MYO5A: variants seen among roughly 807,000 people sequenced by gnomAD.
The protein encoded by MYO5A is unconventional myosin-Va.
A neutral mutation model predicts 249.7 loss-of-function variants in MYO5A; 98 were observed. The ratio of observed to expected loss-of-function variants is 0.39; its 90% CI spans 0.33 to 0.46. The LOEUF is 0.46. Among genes scored for constraint, MYO5A ranks in the 20% least tolerant of loss-of-function variants. The pLI is 0.98. For missense variants in MYO5A, 1,696 were observed against 2,308.8 expected, an observed-to-expected ratio of 0.73 and a Z score of 5.44; for synonymous variants, 778 against 810.6, an observed-to-expected ratio of 0.96 and a Z score of 0.68.
At chr15:52,332,054 T>G (rs748055492) in intron 34 of MYO5A, among the ~76,000 whole-genome samples, 1 of 152,210 alleles carries the variant, frequency 6.6e-6, no homozygotes, top group Non-Finnish European at 1.5e-5. Context: ...CAGCACACAG[T>G]GGCCTCTACA....
chr15:52,423,747 C>G (rs528710758), intron 4 of MYO5A, among the ~76,000 whole-genome samples: 1 of 151,840 alleles, frequency 6.6e-6, no homozygotes, highest in African/African-American at 2.4e-5. Context: ...AAAACCAAGC[C>G]AAAGGAAAAA....
intron 1 of MYO5A, among the ~76,000 whole-genome samples, chr15:52,447,944 G>A (rs1444510548): frequency 6.6e-6 from 1 of 152,240 alleles, no homozygotes; most frequent in Non-Finnish European, 1.5e-5. Context: ...ACAGAAGCCT[G>A]CTGCAGAGGC....
intron 32 of MYO5A, among the ~76,000 whole-genome samples, chr15:52,338,734 A>G (rs2039240918): frequency 6.6e-6 from 1 of 152,198 alleles, no homozygotes; most frequent in Admixed American, 6.5e-5. Context: ...TGTATTAGCT[A>G]TGAAAAATTG....
chr15:52,425,182 A>G (rs1210142058), intron 4 of MYO5A, among the ~76,000 whole-genome samples: 1 of 152,164 alleles, frequency 6.6e-6, no homozygotes, highest in Non-Finnish European at 1.5e-5. Flanking sequence ...GTTCTAGTCT[A>G]TTACTCATTC....
chr15:52,464,572 C>T (rs191409446), intron 1 of MYO5A, among the ~76,000 whole-genome samples: 57 of 152,324 alleles, frequency 3.7e-4, no homozygotes, highest in Non-Finnish European at 7.3e-4. Context: ...GCAGGGACAA[C>T]GAACACCGAA....
chr15:52,404,451 T>C (rs763884320), intron 9 of MYO5A, among the ~76,000 whole-genome samples: 29 of 152,110 alleles, frequency 1.9e-4, no homozygotes, highest in Non-Finnish European at 3.1e-4. Flanking sequence ...CAAGAGGCTA[T>C]AGATCCAGAG....
intron 33 of MYO5A, among the ~76,000 whole-genome samples, chr15:52,337,323 G>C (rs2140978707): frequency 6.6e-6 from 1 of 152,296 alleles, no homozygotes; most frequent in East Asian, 1.9e-4. Flanking sequence ...GACAGACATG[G>C]TTAAAAACTC....
chr15:52,364,077 A>G (rs945542822), intron 24 of MYO5A, among the ~76,000 whole-genome samples: 2 of 152,058 alleles, frequency 1.3e-5, no homozygotes, highest in Non-Finnish European at 2.9e-5. Flanking sequence ...TTTCTACTAA[A>G]AATACAAAAA....
chr15:52,513,598 T>G (rs1355115300), intron 1 of MYO5A, among the ~76,000 whole-genome samples: 3 of 151,622 alleles, frequency 2.0e-5, no homozygotes, highest in African/African-American at 7.3e-5. Flanking sequence ...CTAATTTTTT[T>G]TTTTTAATTT....
intron 9 of MYO5A, among the ~76,000 whole-genome samples, chr15:52,404,233 C>T (rs2042895316): frequency 6.9e-6 from 1 of 144,398 alleles, no homozygotes; most frequent in Non-Finnish European, 1.5e-5. Context: ...TGCCTTTGCA[C>T]TCCAGCCTGG....
intron 16 of MYO5A, 95 bp from the exon 17 acceptor site, chr15:52,380,003 G>C: frequency 8.3e-7 from 1 of 1,199,984 alleles, no homozygotes; most frequent in African/African-American, 1.5e-5. Flanking sequence ...TTTCGTAAGA[G>C]CAAAATGGAT....
intron 1 of MYO5A, among the ~76,000 whole-genome samples, chr15:52,474,596 G>A (rs1050272151): frequency 2.6e-5 from 4 of 152,104 alleles, no homozygotes; most frequent in African/African-American, 4.8e-5. Flanking sequence ...TTTTTAGCAT[G>A]AAGGGCTGTT....
chr15:52,513,898 G>T (rs562173778), intron 1 of MYO5A, among the ~76,000 whole-genome samples: 34 of 152,234 alleles, frequency 2.2e-4, no homozygotes, highest in African/African-American at 8.2e-4. Flanking sequence ...GGAGACTAAG[G>T]AAAGTCATCT....
intron 1 of MYO5A, among the ~76,000 whole-genome samples, chr15:52,448,377 T>C (rs2075939786): frequency 6.6e-6 from 1 of 152,164 alleles, no homozygotes; most frequent in African/African-American, 2.4e-5. Context: ...GGAAAGGGAG[T>C]ATTTACTCAA....
At chr15:52,420,306 C>CAA (rs3079056) in intron 4 of MYO5A, among the ~76,000 whole-genome samples, 2 of 124,468 alleles carry the variant, frequency 1.6e-5, no homozygotes, top group African/African-American at 2.8e-5. Context: ...CCCTGTATTA[C>CAA]AAAAAAAAAA....
At chr15:52,516,460 A>C (rs547507747) in intron 1 of MYO5A, among the ~76,000 whole-genome samples, 65 of 152,318 alleles carry the variant, frequency 4.3e-4, no homozygotes, top group African/African-American at 1.4e-3. Flanking sequence ...AAAGCAAAGA[A>C]ACTTCCAAGG....
In MYO5A at chr15:52,528,791, G is replaced by C. The variant is rs1344107033; in HGVS notation, c.16C>G (p.Leu6Val). MAASE[L>V]YTKFARVWIP... ...GCGGGGTGCCTTACCTTTGTGTAGA[G>C]CTCCGACGCAGCCATGGCGGGCCCC... Residue 6 changes from leucine (L) to valine (V), a missense_variant, in exon 1 of 42, where the codon CTC becomes GTC. By Grantham distance (32) the Leu-to-Val change is conservative (BLOSUM62 1). Around this residue, in one of 5 missense-constraint regions of MYO5A, gnomAD observed 197 missense variants for 320.3 expected, o/e 0.62. Coordinates refer to ENST00000399233, the MANE Select transcript of MYO5A (RefSeq NM_001382347.1). 6.7e-7 allele frequency: 1 copy of C among 1,495,862 alleles called. No homozygotes were observed. The highest frequency in any genetic ancestry group is 8.9e-7 in the Non-Finnish European group (1 of 1,129,198). The allele number at this position is 1,495,862 out of a possible 1,614,324, so 92.7% of individuals were successfully genotyped here.
At chr15:52,392,211 A>C (rs1041685144) in intron 11 of MYO5A, 141 bp from the exon 12 acceptor site, 2 of 806,310 alleles carry the variant, frequency 2.5e-6, no homozygotes, top group African/African-American at 3.5e-5. Flanking sequence ...TTACACACAG[A>C]GAAAGCAAAT....
chr15:52,361,089 A>G (rs1434361933), intron 24 of MYO5A, among the ~76,000 whole-genome samples: 1 of 152,182 alleles, frequency 6.6e-6, no homozygotes, highest in African/African-American at 2.4e-5. Context: ...AAAGTCTCCC[A>G]GGCCAACCCA....
Sources: allele counts gnomAD v4.1 joint callset (sites outside exome capture counted in the v4.1 genomes callset), GRCh38; gene constraint gnomAD v4.1.1; regional missense constraint gnomAD v4.1.1; transcripts MANE v1.5; gene names NCBI Gene and HGNC (gene_info 2026-07-23, HGNC 2026-07-21).